Variants in DCAF1 observed in about 807,000 individuals in gnomAD.
DCAF1 encodes the protein DDB1 and CUL4 associated factor 1, also known as DDB1- and CUL4-associated factor 1.
In DCAF1, 15 loss-of-function variants were observed where a neutral mutation model predicts 128.0. The observed-to-expected ratio is 0.12, with a 90% CI of 0.08 to 0.18. DCAF1 has a LOEUF of 0.18. Ranked by LOEUF, DCAF1 falls within the 10% of genes least tolerant of loss-of-function variation. The pLI is 1.00. For synonymous variants in DCAF1, 610 were observed against 603.0 expected (o/e 1.01, Z -0.17); for missense variants, 988 against 1,649.5 (o/e 0.60, Z 6.95).
chr3:51,467,368 T>C (rs1011168056), intron 4 of DCAF1, among the ~76,000 whole-genome samples: 1 of 152,030 alleles, frequency 6.6e-6, no homozygotes, highest in Non-Finnish European at 1.5e-5. Context: ...TGGATGAAGC[T>C]GGAAACCATC....
intron 6 of DCAF1, among the ~76,000 whole-genome samples, chr3:51,456,776 C>T (rs922666056): frequency 1.8e-4 from 27 of 152,196 alleles, no homozygotes; most frequent in Non-Finnish European, 3.2e-4. Context: ...ATTCTGCAGC[C>T]ACCGCTGCTG....
intron 9 of DCAF1, among the ~76,000 whole-genome samples, chr3:51,434,540 T>C (rs1700651199): frequency 1.3e-5 from 2 of 152,244 alleles, no homozygotes; most frequent in South Asian, 4.1e-4. Flanking sequence ...GCTTCCCTAA[T>C]GGACTTTTGC....
rs186786078 is a variant in DCAF1 at position 51,483,701 on chromosome 3, T to C, written c.110+18A>G. ...CGAGGTTTTTTATTAAACTAGGTTT[T>C]AAAAAAGTTATTCATACCTGGTAAG... On this transcript the variant is annotated intron_variant, in intron 3 of 24. Transcript: ENST00000684031. 49 of 1,600,790 alleles carry C rather than the reference T, an allele frequency of 3.1e-5. No homozygotes were observed. The East Asian group carries it at 6.3e-4, about 20-fold the overall frequency.
intron 2 of DCAF1, among the ~76,000 whole-genome samples, chr3:51,486,809 T>C (rs753579371): frequency 1.8e-4 from 27 of 151,778 alleles, no homozygotes; most frequent in Non-Finnish European, 3.5e-4. Context: ...AATTTTTGTA[T>C]TTTTAGTAGA....
chr3:51,488,826 G>A (rs566209064), intron 2 of DCAF1, among the ~76,000 whole-genome samples: 4 of 151,958 alleles, frequency 2.6e-5, no homozygotes, highest in African/African-American at 7.2e-5. Context: ...TTATCCGGGC[G>A]TGGTGGTGTG....
At chr3:51,437,645 C>T (rs1460644468) in intron 9 of DCAF1, among the ~76,000 whole-genome samples, 1 of 152,070 alleles carries the variant, frequency 6.6e-6, no homozygotes, top group African/African-American at 2.4e-5. Flanking sequence ...GAAACCCGGT[C>T]TCTACCAAAA....
chr3:51,434,145 C>CAATTCTAG (rs1700620293), intron 9 of DCAF1, among the ~76,000 whole-genome samples: 5 of 151,628 alleles, frequency 3.3e-5, no homozygotes, highest in Non-Finnish European at 1.5e-5. Context: ...CTCACTCCTG[C>CAATTCTAG]AATTCTAGTA....
intron 23 of DCAF1, among the ~76,000 whole-genome samples, chr3:51,409,163 C>T (rs183306853): frequency 5.3e-4 from 81 of 152,280 alleles, no homozygotes; most frequent in African/African-American, 1.6e-3. Context: ...TTAAGCAGGA[C>T]AAAAGAAGAA....
intron 14 of DCAF1, among the ~76,000 whole-genome samples, chr3:51,421,498 C>A (rs1699387363): frequency 6.6e-6 from 1 of 152,176 alleles, no homozygotes; most frequent in African/African-American, 2.4e-5. Context: ...CTCAGGTGAT[C>A]CACCCGCCTC....
chr3:51,471,222 C>G (rs1264192495), intron 3 of DCAF1, among the ~76,000 whole-genome samples: 2 of 147,444 alleles, frequency 1.4e-5, no homozygotes, highest in African/African-American at 5.0e-5. Flanking sequence ...CTCGCTCTGT[C>G]GCCCAGGCTG....
In DCAF1 at chr3:51,420,022, G is replaced by A. The variant is rs1553631828; in HGVS notation, c.2948C>T (p.Ala983Val). Reference sequence around the variant, plus strand: ...TTTTATGGCTGGGCTTTGGCTGTAGGCACCATGGTCCGACTTCTGCCGCAA... The same window carrying A: ...TTTTATGGCTGGGCTTTGGCTGTAGACACCATGGTCCGACTTCTGCCGCAA... Reference protein sequence around the residue: ...RVLRQKSDHGAYSQSPAIKKQ... With the variant: ...RVLRQKSDHGVYSQSPAIKKQ... The change falls in exon 15 of 25, where the codon GCC (alanine) becomes GTC (valine). Residue 983 changes from alanine (A) to valine (V), a missense_variant. Around this residue, in one of 11 missense-constraint regions of DCAF1, gnomAD observed 105 missense variants for 266.7 expected, o/e 0.39. Transcript: ENST00000684031. The surrounding 1 kb of genome is among the most constrained non-coding windows in gnomAD (Gnocchi z 6.5). The A allele has an allele frequency of 1.9e-6, 3 of 1,613,904 alleles. No homozygotes were observed. The African/African-American group carries it at 4.0e-5, about 22-fold the overall frequency.
intron 3 of DCAF1, among the ~76,000 whole-genome samples, chr3:51,482,594 G>A (rs552368291): frequency 1.4e-4 from 13 of 94,566 alleles, no homozygotes; most frequent in Admixed American, 1.0e-3. Context: ...GTGAAACCCC[G>A]TCTCTACTAA....
intron 23 of DCAF1, among the ~76,000 whole-genome samples, chr3:51,404,924 T>C (rs1281236355): frequency 6.6e-6 from 1 of 152,160 alleles, no homozygotes; most frequent in African/African-American, 2.4e-5. Context: ...AGACAGGCTC[T>C]CAGCCCCTAC....
At position 51,446,183 on chromosome 3, in the gene DCAF1, C is replaced by T. The variant is rs868978463; in HGVS notation, c.376-2280G>A. ...CTGATTTTTGTATTTTTAGTGGAGA[C>T]GGGGTTTCACCATGTTGGCCAAGCT... On this transcript the variant is annotated intron_variant, in intron 6 of 24. Transcript: ENST00000684031. Among the ~76,000 whole-genome samples the T allele has an allele frequency of 4.0e-5, 6 of 151,762 alleles. No individual in the cohort carries two copies. In the South Asian group the frequency reaches 8.3e-4, roughly 21 times the overall value.
intron 23 of DCAF1, among the ~76,000 whole-genome samples, chr3:51,410,502 A>G (rs1698299958): frequency 7.8e-5 from 1 of 12,752 alleles, no homozygotes; most frequent in African/African-American, 2.0e-4. Flanking sequence ...CCAACAGTAA[A>G]ACACATAGCT....
downstream of DCAF1, chr3:51,397,443 C>T (rs1209846258): frequency 1.2e-5 from 2 of 167,096 alleles, no homozygotes; most frequent in African/African-American, 2.4e-5. Flanking sequence ...GTGGCCGCTG[C>T]CCCAGCTACA....
rs1553638840 is a variant in DCAF1 at position 51,441,763 on chromosome 3, C to T, written c.648G>A (p.Met216Ile). 6.2e-7 allele frequency: 1 copy of T among 1,613,938 alleles called. No homozygotes were observed. Among genetic ancestry groups the T allele is most frequent in the Non-Finnish European group, 8.5e-7 (1 of 1,179,866 alleles). Residue 216 changes from methionine to isoleucine, a missense_variant, in exon 8 of 25, where the codon ATG (methionine) becomes ATA (isoleucine). Physicochemically the swap from Met to Ile is conservative, Grantham distance 10. Transcript: ENST00000684031. ...CATCTACAGCCATGTCACCATAGTC[C>T]ATATCCACAGCCTCCTCATCCAGAG... ...LLPLDEEAVD[M>I]DYGDMAVDVV...
intron 23 of DCAF1, among the ~76,000 whole-genome samples, chr3:51,407,550 T>C (rs1484728758): frequency 1.3e-5 from 2 of 152,118 alleles, no homozygotes; most frequent in African/African-American, 2.4e-5. Context: ...CTTTGTTGAG[T>C]TTTTTATTAT....
chr3:51,423,476 C>T (rs1185942849), intron 13 of DCAF1, among the ~76,000 whole-genome samples: 21 of 148,818 alleles, frequency 1.4e-4, no homozygotes, highest in Non-Finnish European at 2.5e-4. Context: ...CACTCCAGCT[C>T]GGGCCACAGA....
Sources: gnomAD v4.1 joint callset for allele counts (sites outside exome capture counted in the v4.1 genomes callset) on GRCh38, gnomAD v4.1.1 for gene constraint, gnomAD v4.1.1 regional missense constraint, Gnocchi (gnomAD v3.1) non-coding constraint, MANE v1.5 for transcripts, NCBI Gene and HGNC (gene_info 2026-07-23, HGNC 2026-07-21) for gene names.